ZNF385B: variants seen among roughly 807,000 people sequenced by gnomAD.
ZNF385B encodes the protein zinc finger protein 385B.
In ZNF385B, 23 loss-of-function variants were observed where a neutral mutation model predicts 39.2. That is an observed-to-expected ratio of 0.59 (90% CI 0.42 to 0.83). The LOEUF is 0.83. ZNF385B is among the 40% of genes least tolerant of loss of function. The pLI, the probability that ZNF385B is intolerant of heterozygous loss-of-function variation, is 0.00. For missense variants in ZNF385B, 552 were observed against 598.9 expected (o/e 0.92, Z 0.82); for synonymous variants, 205 against 222.6 (o/e 0.92, Z 0.70).
In ZNF385B at chr2:179,753,946, C is replaced by T. The variant is rs905479832; in HGVS notation, c.298+15557G>A. 1.1e-4 allele frequency among the ~76,000 whole-genome samples: 16 copies of T among 152,202 alleles called. 1 individual carries two copies. In the South Asian group the frequency reaches 3.1e-3, roughly 30 times the overall value. ...TATTTCTTTCTCCTGCCTGATTTCC[C>T]TGGCCAGAACTTCCAACACTGTGTT... On this transcript the variant is annotated intron_variant, in intron 3 of 9. Coordinates refer to ENST00000410066, the MANE Select transcript of ZNF385B (RefSeq NM_152520.6).
intron 3 of ZNF385B, among the ~76,000 whole-genome samples, chr2:179,639,249 A>AAAAAGGGG (rs71029824): frequency 7.8e-6 from 1 of 128,686 alleles, no homozygotes; most frequent in African/African-American, 2.8e-5. Context: ...AAAAAAAAAA[A>AAAAAGGGG]GGGGGAGAAA....
At chr2:179,713,282 T>C (rs1256073103) in intron 3 of ZNF385B, among the ~76,000 whole-genome samples, 1 of 152,210 alleles carries the variant, frequency 6.6e-6, no homozygotes, top group Admixed American at 6.5e-5. Flanking sequence ...ATGAAATGGA[T>C]TTAGTTCTTA....
intron 3 of ZNF385B, among the ~76,000 whole-genome samples, chr2:179,582,693 T>C (rs762153396): frequency 8.5e-5 from 13 of 152,230 alleles, no homozygotes; most frequent in Admixed American, 5.2e-4. Flanking sequence ...AATTTGCATT[T>C]TAAAAATAAA....
At chr2:179,835,996 T>TA (rs779010413) in intron 1 of ZNF385B, among the ~76,000 whole-genome samples, 116 of 152,318 alleles carry the variant, frequency 7.6e-4, no homozygotes, top group African/African-American at 2.6e-3. Context: ...GATACATACA[T>TA]ACAATGGAAT....
intron 3 of ZNF385B, among the ~76,000 whole-genome samples, chr2:179,623,474 C>G (rs1690393309): frequency 6.6e-6 from 1 of 152,136 alleles, no homozygotes; most frequent in Non-Finnish European, 1.5e-5. Flanking sequence ...TTTTATCCCC[C>G]TTCCCTGATC....
intron 3 of ZNF385B, among the ~76,000 whole-genome samples, chr2:179,729,283 T>A (rs903734167): frequency 6.6e-6 from 1 of 152,146 alleles, no homozygotes; most frequent in Non-Finnish European, 1.5e-5. Context: ...GCAAACATCA[T>A]TGACAATCAA....
chr2:179,690,884 A>G (rs1050120336), intron 3 of ZNF385B, among the ~76,000 whole-genome samples: 7 of 152,178 alleles, frequency 4.6e-5, no homozygotes, highest in African/African-American at 1.2e-4. Context: ...GAATTCTTAC[A>G]AGATTATGGT....
intron 1 of ZNF385B, among the ~76,000 whole-genome samples, chr2:179,818,376 T>C (rs983758795): frequency 1.3e-5 from 2 of 152,252 alleles, no homozygotes; most frequent in Non-Finnish European, 2.9e-5. Flanking sequence ...TGCCACTTTA[T>C]AAGTTAGCAG....
At chr2:179,740,553 T>G (rs955255827) in intron 3 of ZNF385B, among the ~76,000 whole-genome samples, 1 of 152,168 alleles carries the variant, frequency 6.6e-6, no homozygotes, top group Non-Finnish European at 1.5e-5. Flanking sequence ...TCCAAAAATT[T>G]GAGGACAAAC....
intron 3 of ZNF385B, among the ~76,000 whole-genome samples, chr2:179,704,047 T>C (rs1405374855): frequency 6.6e-6 from 1 of 152,332 alleles, no homozygotes; most frequent in East Asian, 1.9e-4. Flanking sequence ...CAAGAAACTA[T>C]GACATGATCA....
At position 179,664,671 on chromosome 2, in the gene ZNF385B, A is replaced by G. The variant is rs1694925222; in HGVS notation, c.298+104832T>C. Among the ~76,000 whole-genome samples, 3 of 152,210 alleles carry G rather than the reference A, an allele frequency of 2.0e-5. No individual in the cohort carries two copies. In the South Asian group the frequency reaches 6.2e-4, roughly 31 times the overall value. ...GATGTGTCTTGTATTATGAAATATT[A>G]TAAAATATATTAAGTGATATAAGAA... On this transcript the variant is annotated intron_variant, in intron 3 of 9. Coordinates refer to ENST00000410066, the MANE Select transcript of ZNF385B (RefSeq NM_152520.6).
chr2:179,700,636 T>C (rs1699121411), intron 3 of ZNF385B, among the ~76,000 whole-genome samples: 1 of 151,996 alleles, frequency 6.6e-6, no homozygotes, highest in East Asian at 1.9e-4. Flanking sequence ...ATAAATTCAG[T>C]TTCAAGAATG....
chr2:179,538,976 A>G (rs1444925880), intron 4 of ZNF385B, among the ~76,000 whole-genome samples: 1 of 152,224 alleles, frequency 6.6e-6, no homozygotes. Flanking sequence ...AGTTACACAA[A>G]TACATATGCA....
At chr2:179,664,652 T>C (rs944004150) in intron 3 of ZNF385B, among the ~76,000 whole-genome samples, 3 of 152,176 alleles carry the variant, frequency 2.0e-5, no homozygotes, top group African/African-American at 7.2e-5. Context: ...ACTGGATGTG[T>C]CTTGTATTAT....
At chr2:179,533,535 C>T (rs189862533) in intron 4 of ZNF385B, among the ~76,000 whole-genome samples, 55 of 152,164 alleles carry the variant, frequency 3.6e-4, no homozygotes, top group African/African-American at 1.2e-3. Flanking sequence ...TACAATTAGA[C>T]GCCATGCTCG....
intron 6 of ZNF385B, among the ~76,000 whole-genome samples, chr2:179,473,787 C>G (rs962946114): frequency 2.0e-5 from 3 of 152,070 alleles, no homozygotes; most frequent in Non-Finnish European, 4.4e-5. Context: ...GTTTGGTTTT[C>G]TGTTCCTGTG....
intron 8 of ZNF385B, 62 bp downstream of exon 8, chr2:179,445,488 A>G: frequency 2.0e-6 from 3 of 1,506,012 alleles, no homozygotes; most frequent in Non-Finnish European, 2.7e-6. Flanking sequence ...TCTATAGATG[A>G]GAAGATACAC....
At chr2:179,625,493 G>A (rs17820230) in intron 3 of ZNF385B, among the ~76,000 whole-genome samples, 10,168 of 151,544 alleles carry the variant, frequency 0.067, 428 homozygotes, top group Non-Finnish European at 0.088. Context: ...CTTAATAAGC[G>A]GCTACAATCC....
intron 6 of ZNF385B, among the ~76,000 whole-genome samples, chr2:179,475,341 C>G (rs1316442282): frequency 6.6e-6 from 1 of 151,562 alleles, no homozygotes; most frequent in East Asian, 1.9e-4. Context: ...ACCTCCACCT[C>G]CTAGGGTTTG....
Sources: allele counts gnomAD v4.1 joint callset (sites outside exome capture counted in the v4.1 genomes callset), GRCh38; gene constraint gnomAD v4.1.1; transcripts MANE v1.5; gene names NCBI Gene and HGNC (gene_info 2026-07-23, HGNC 2026-07-21).